The following RBFOX1 variants were observed in gnomAD, a reference collection of about 807,000 sequenced individuals.
The protein encoded by RBFOX1 is RNA binding fox-1 homolog 1, also known as RNA binding protein fox-1 homolog 1.
RBFOX1 carries 8 observed loss-of-function variants against 57.7 expected under a neutral mutation model. That is an observed-to-expected ratio of 0.14 (90% CI 0.08 to 0.25). The LOEUF (loss-of-function observed/expected upper bound fraction) is 0.25, where lower values mean the gene tolerates loss of function less well. RBFOX1 is among the 10% of genes least tolerant of loss of function. The pLI, the probability that RBFOX1 is intolerant of heterozygous loss-of-function variation, is 1.00. For missense variants in RBFOX1, 611 were observed against 548.5 expected (o/e 1.11, Z -1.14); for synonymous variants, 326 against 222.4 (o/e 1.47, Z -4.15).
intron 4 of RBFOX1, among the ~76,000 whole-genome samples, chr16:7,301,426 T>G (rs1325715299): frequency 6.6e-6 from 1 of 152,160 alleles, no homozygotes; most frequent in Non-Finnish European, 1.5e-5. Flanking sequence ...TTGCAGATCT[T>G]CAGTGTGTCT....
At chr16:6,483,150 A>G (rs916734176) in intron 2 of RBFOX1, 13 of 1,072,002 alleles carry the variant, frequency 1.2e-5, no homozygotes, top group African/African-American at 6.8e-5. Flanking sequence ...AAGAGTTTGC[A>G]AAAACATTGG....
At chr16:5,890,627 G>A (rs905765367) in intron 4 of RBFOX1, among the ~76,000 whole-genome samples, 1 of 150,654 alleles carries the variant, frequency 6.6e-6, no homozygotes, top group South Asian at 2.1e-4. Flanking sequence ...AACCCAGGAG[G>A]TGGAGATTGC....
At chr16:6,917,269 C>T (rs1045482512) in intron 3 of RBFOX1, among the ~76,000 whole-genome samples, 3 of 152,188 alleles carry the variant, frequency 2.0e-5, no homozygotes, top group Non-Finnish European at 4.4e-5. Context: ...GTCCCAGCTA[C>T]TGTTAGGGAC....
chr16:7,367,820 T>C (rs1344035321), intron 4 of RBFOX1, among the ~76,000 whole-genome samples: 1 of 152,102 alleles, frequency 6.6e-6, no homozygotes, highest in African/African-American at 2.4e-5. Flanking sequence ...TTTGTGGGGA[T>C]ATTCATTATG....
At chr16:6,038,609 C>T (rs911891061) in intron 1 of RBFOX1, 3 of 139,172 alleles carry the variant, frequency 2.2e-5, no homozygotes, top group Non-Finnish European at 4.7e-5. Context: ...ATATATATAT[C>T]TCCATGGAGA....
intron 2 of RBFOX1, among the ~76,000 whole-genome samples, chr16:5,537,422 T>C (rs1396068140): frequency 2.0e-5 from 3 of 152,214 alleles, no homozygotes; most frequent in Non-Finnish European, 4.4e-5. Context: ...ACAAAAAATT[T>C]ATTATTTTAT....
rs367979554 is a variant in RBFOX1, at chr16:6,202,588, G to GA, written c.-126-114398dup. On this transcript the variant is annotated intron_variant, in intron 1 of 15. Coordinates refer to ENST00000550418, the MANE Select transcript of RBFOX1 (RefSeq NM_018723.4). ...TGGGTCAGTTTCTTTCTTTTATGCT[G>GA]AAAAAAAAATCACTTTATTGAGGTA... is the stretch of plus-strand genomic sequence containing the variant. Among the ~76,000 whole-genome samples, 700 of 149,928 alleles carry GA rather than the reference G, an allele frequency of 4.7e-3. 4 individuals carry two copies. The highest frequency in any genetic ancestry group is 0.016 in the African/African-American group (650 of 40,920).
rs143990453 is a variant in RBFOX1 at position 6,512,399 on chromosome 16, G to C, written c.-63-142204G>C. Among the ~76,000 whole-genome samples, 630 of 151,946 alleles carry C rather than the reference G, an allele frequency of 4.1e-3. 3 individuals are homozygous for C. The highest frequency in any genetic ancestry group is 6.0e-3 in the South Asian group (29 of 4,810). ...CAAGAGTGCTCAAAATTCAAGCCTC[G>C]GGTAGGATAGGGAATGCGTTGCATT... On this transcript the variant is annotated intron_variant, in intron 2 of 15. Coordinates refer to ENST00000550418, the MANE Select transcript of RBFOX1 (RefSeq NM_018723.4).
chr16:6,619,092 A>G (rs1304621878), intron 2 of RBFOX1, among the ~76,000 whole-genome samples: 1 of 152,116 alleles, frequency 6.6e-6, no homozygotes, highest in South Asian at 2.1e-4. Flanking sequence ...TTGCATACCA[A>G]TTAAAATGAC....
intron 3 of RBFOX1, among the ~76,000 whole-genome samples, chr16:5,705,953 C>T (rs1039909586): frequency 1.3e-5 from 2 of 152,122 alleles, no homozygotes; most frequent in Non-Finnish European, 2.9e-5. Context: ...CTCTGTTGCC[C>T]ACGATGGAGT....
At chr16:7,021,964 C>G (rs1244441070) in intron 3 of RBFOX1, among the ~76,000 whole-genome samples, 2 of 100,752 alleles carry the variant, frequency 2.0e-5, no homozygotes, top group East Asian at 2.9e-4. Context: ...TTCTCTCTCT[C>G]TCTCCCTCCC....
At chr16:7,400,649 C>A (rs1004885493) in intron 4 of RBFOX1, among the ~76,000 whole-genome samples, 6 of 152,154 alleles carry the variant, frequency 3.9e-5, no homozygotes, top group African/African-American at 1.4e-4. Flanking sequence ...TCTGCTCATT[C>A]TTCAGCCATT....
intron 3 of RBFOX1, among the ~76,000 whole-genome samples, chr16:6,864,178 GT>G (rs1306829775): frequency 6.6e-6 from 1 of 152,000 alleles, no homozygotes; most frequent in Admixed American, 6.6e-5. Context: ...AATAATTCTT[GT>G]CCCATTACAT....
chr16:6,510,360 C>T (rs1197645806), intron 2 of RBFOX1, among the ~76,000 whole-genome samples: 2 of 152,078 alleles, frequency 1.3e-5, no homozygotes, highest in Non-Finnish European at 2.9e-5. Flanking sequence ...CATGTGATGC[C>T]ACAGAAGCCA....
rs34335596 is a variant in RBFOX1, at chr16:6,057,825, G to GTTTTTT, written c.-127+37851_-127+37856dup. 4.0e-3 allele frequency among the ~76,000 whole-genome samples: 327 copies of GTTTTTT among 81,052 alleles called. 6 individuals carry two copies. The highest frequency in any genetic ancestry group is 4.6e-3 in the Non-Finnish European group (210 of 46,002). 53.2% of individuals were successfully genotyped at this position (81,052 alleles called of 152,430 possible). ...GAAATTTTATGAGGGTTTGCTATGGGTTTTTTTTTTTTTTTTTTTTTTTGA... is the reference window on the plus strand; with the variant it reads ...GAAATTTTATGAGGGTTTGCTATGGGTTTTTTTTTTTTTTTTTTTTTTTTTTTTTGA... On this transcript the variant is annotated intron_variant, in intron 1 of 15. Coordinates refer to ENST00000550418, the MANE Select transcript of RBFOX1 (RefSeq NM_018723.4).
intron 3 of RBFOX1, among the ~76,000 whole-genome samples, chr16:6,802,650 C>G (rs767024602): frequency 5.3e-5 from 8 of 152,190 alleles, no homozygotes; most frequent in Non-Finnish European, 7.3e-5. Flanking sequence ...GTACTCCAGC[C>G]TGGGTGGCAG....
At chr16:7,354,123 A>G (rs1457926556) in intron 4 of RBFOX1, among the ~76,000 whole-genome samples, 9 of 152,118 alleles carry the variant, frequency 5.9e-5, no homozygotes, top group African/African-American at 1.9e-4. Flanking sequence ...AGGATCTGCC[A>G]CCACGCCCAG....
intron 4 of RBFOX1, among the ~76,000 whole-genome samples, chr16:7,203,976 C>G (rs917629098): frequency 6.6e-6 from 1 of 152,180 alleles, no homozygotes; most frequent in South Asian, 2.1e-4. Flanking sequence ...GTGCTGTGTT[C>G]TCAAACATCA....
chr16:5,882,698 G>A (rs1423003541), intron 4 of RBFOX1, among the ~76,000 whole-genome samples: 2 of 152,170 alleles, frequency 1.3e-5, no homozygotes, highest in Non-Finnish European at 2.9e-5. Flanking sequence ...GGACTGAAAT[G>A]TTAGTTTGTG....
Sources: allele counts gnomAD v4.1 joint callset (sites outside exome capture counted in the v4.1 genomes callset), GRCh38; gene constraint gnomAD v4.1.1; transcripts MANE v1.5; gene names NCBI Gene and HGNC (gene_info 2026-07-23, HGNC 2026-07-21).